Variants in TECRL observed in about 807,000 individuals in gnomAD.
TECRL encodes trans-2,3-enoyl-CoA reductase like, also known as trans-2,3-enoyl-CoA reductase-like.
A neutral mutation model predicts 52.8 loss-of-function variants in TECRL; 63 were observed. That is an observed-to-expected ratio of 1.19 (90% CI 0.97 to 1.47). The LOEUF (loss-of-function observed/expected upper bound fraction) is 1.47, where lower values mean the gene tolerates loss of function less well. TECRL is among the 40% of genes most tolerant of loss of function. TECRL has a pLI of 0.00. For synonymous variants in TECRL, 164 were observed against 141.9 expected (o/e 1.16, Z -1.10); for missense variants, 482 against 429.6 (o/e 1.12, Z -1.08).
intron 1 of TECRL, among the ~76,000 whole-genome samples, chr4:64,390,817 G>T (rs1723497592): frequency 6.6e-6 from 1 of 151,672 alleles, no homozygotes; most frequent in African/African-American, 2.4e-5. Context: ...TGAAGTGATG[G>T]TCATATACTT....
intron 4 of TECRL, among the ~76,000 whole-genome samples, chr4:64,320,004 C>A (rs1357588637): frequency 6.6e-6 from 1 of 151,868 alleles, no homozygotes; most frequent in Non-Finnish European, 1.5e-5. Flanking sequence ...TGAAGCAATT[C>A]TCTATCTTGA....
intron 2 of TECRL, among the ~76,000 whole-genome samples, chr4:64,342,415 G>A (rs1345641157): frequency 7.4e-6 from 1 of 135,530 alleles, no homozygotes; most frequent in Non-Finnish European, 1.6e-5. Context: ...AGACTTGGTA[G>A]TAGTTTTATA....
At chr4:64,385,326 C>G (rs1013804213) in intron 1 of TECRL, among the ~76,000 whole-genome samples, 1 of 152,128 alleles carries the variant, frequency 6.6e-6, no homozygotes, top group Admixed American at 6.5e-5. Flanking sequence ...TTGGCCAGTC[C>G]CCAGACACCC....
intron 2 of TECRL, among the ~76,000 whole-genome samples, chr4:64,361,505 A>G (rs1229180670): frequency 1.3e-5 from 2 of 152,160 alleles, no homozygotes; most frequent in Admixed American, 6.6e-5. Context: ...TGGACCCTCC[A>G]GCACAGTACA....
At position 64,409,428 on chromosome 4, in the gene TECRL, C is replaced by T. The variant is rs1479882868; in HGVS notation, c.-77G>A. ...GTGTTCCTTTTGCATCAGTTAAATA[C>T]TGCTGGAGAACCTTTGAAAGGTCAA... On this transcript the variant is annotated 5_prime_UTR_variant, in exon 1 of 12. Transcript: ENST00000381210. 1 of 1,549,626 alleles carries T rather than the reference C, an allele frequency of 6.5e-7. No homozygotes were observed. Among genetic ancestry groups the T allele is most frequent in the Non-Finnish European group, 8.7e-7 (1 of 1,150,850 alleles).
rs187314349 is a variant in TECRL at position 64,391,825 on chromosome 4, A to T, written c.235-16602T>A. Reference sequence around the variant, plus strand: ...GACATTGATATACAAGCAATAATTTAAGAAGAAATATGTTACAATGATATA... The same window carrying T: ...GACATTGATATACAAGCAATAATTTTAGAAGAAATATGTTACAATGATATA... On this transcript the variant is annotated intron_variant, in intron 1 of 11. Coordinates refer to ENST00000381210, the MANE Select transcript of TECRL (RefSeq NM_001010874.5). Among the ~76,000 whole-genome samples, 518 of 152,064 alleles carry T rather than the reference A, an allele frequency of 3.4e-3. 1 individual carries two copies. The highest frequency in any genetic ancestry group is 5.9e-3 in the Admixed American group (90 of 15,234).
intron 2 of TECRL, among the ~76,000 whole-genome samples, chr4:64,330,275 T>C (rs931045602): frequency 1.3e-5 from 2 of 152,014 alleles, no homozygotes; most frequent in Non-Finnish European, 2.9e-5. Flanking sequence ...CTAAAATGAA[T>C]TGAATGTTGA....
intron 2 of TECRL, among the ~76,000 whole-genome samples, chr4:64,359,032 A>G (rs963312432): frequency 6.6e-6 from 1 of 151,878 alleles, no homozygotes; most frequent in African/African-American, 2.4e-5. Flanking sequence ...TCATGTATTT[A>G]TTTTTAGATT....
chr4:64,284,153 G>T (rs975823825), intron 9 of TECRL, among the ~76,000 whole-genome samples: 9 of 152,022 alleles, frequency 5.9e-5, no homozygotes, highest in Admixed American at 2.0e-4. Context: ...TTGGAGCACT[G>T]TCCTGGAATA....
chr4:64,352,077 T>A (rs1720436472), intron 2 of TECRL, among the ~76,000 whole-genome samples: 1 of 152,192 alleles, frequency 6.6e-6, no homozygotes. Context: ...TTGTTCAAAT[T>A]CTAAGACAAA....
chr4:64,289,859 C>A, intron 8 of TECRL, 92 bp from the exon 9 acceptor site: 2 of 720,810 alleles, frequency 2.8e-6, no homozygotes, highest in Non-Finnish European at 4.1e-6. Flanking sequence ...CTGTGTTGTA[C>A]ATTAATCCCA....
intron 4 of TECRL, among the ~76,000 whole-genome samples, chr4:64,316,755 A>G (rs1231680283): frequency 6.6e-6 from 1 of 152,196 alleles, no homozygotes; most frequent in East Asian, 1.9e-4. Flanking sequence ...ACTATATTCT[A>G]AAGAGGCAGA....
chr4:64,334,553 G>A (rs1274677302), intron 2 of TECRL, among the ~76,000 whole-genome samples: 2 of 152,160 alleles, frequency 1.3e-5, no homozygotes, highest in African/African-American at 2.4e-5. Flanking sequence ...ACCAATCAAT[G>A]TCTATAATTT....
intron 2 of TECRL, among the ~76,000 whole-genome samples, chr4:64,363,013 TA>T (rs151006256): frequency 0.25 from 35,937 of 141,380 alleles, 4,523 homozygotes; most frequent in Middle Eastern, 0.34. Context: ...ATCAGGCACA[TA>T]AAAAAAAAAA....
intron 1 of TECRL, among the ~76,000 whole-genome samples, chr4:64,383,748 T>C (rs756563593): frequency 1.3e-5 from 2 of 152,146 alleles, no homozygotes; most frequent in Non-Finnish European, 2.9e-5. Flanking sequence ...TTCTTTTTCA[T>C]TGAGATCTGT....
rs190001981 is a variant in TECRL at position 64,384,003 on chromosome 4, G to A, written c.235-8780C>T. 1.5e-3 allele frequency among the ~76,000 whole-genome samples: 234 copies of A among 152,174 alleles called. 1 individual carries two copies. Among genetic ancestry groups the A allele is most frequent in the African/African-American group, 5.4e-3 (225 of 41,504 alleles). On this transcript the variant is annotated intron_variant, in intron 1 of 11. Coordinates refer to ENST00000381210, the MANE Select transcript of TECRL (RefSeq NM_001010874.5). The stretch of plus-strand genomic sequence containing the variant: ...ATGATTTATGCTGTAATCAGCATCC[G>A]TATTGTCTATGTGGTACTCAGAGGC...
chr4:64,288,848 T>C (rs1723221560), intron 9 of TECRL, among the ~76,000 whole-genome samples: 1 of 152,218 alleles, frequency 6.6e-6, no homozygotes, highest in East Asian at 1.9e-4. Flanking sequence ...GACCCAATTC[T>C]TCTCCATGAC....
intron 9 of TECRL, 27 bp from the exon 10 acceptor site, chr4:64,281,586 A>G (rs755929970): frequency 3.4e-5 from 44 of 1,283,000 alleles, no homozygotes; most frequent in Non-Finnish European, 4.5e-5. Flanking sequence ...TAAAATGTCA[A>G]TGATGCTACA....
At chr4:64,319,927 T>C (rs1233700114) in intron 4 of TECRL, among the ~76,000 whole-genome samples, 1 of 151,928 alleles carries the variant, frequency 6.6e-6, no homozygotes, top group East Asian at 1.9e-4. Context: ...CATCAGTGGT[T>C]ACTCCAGGAT....
Sources: gnomAD v4.1 joint callset for allele counts (sites outside exome capture counted in the v4.1 genomes callset) on GRCh38, gnomAD v4.1.1 for gene constraint, MANE v1.5 for transcripts, NCBI Gene and HGNC (gene_info 2026-07-23, HGNC 2026-07-21) for gene names.